Variants in TBC1D22A observed in about 807,000 individuals in gnomAD.
The protein encoded by TBC1D22A is TBC1 domain family member 22A, also known as putative GTPase activator.
Under a neutral mutation model 60.2 loss-of-function variants are expected in TBC1D22A, and 38 were observed. That is an observed-to-expected ratio of 0.63 (90% confidence interval 0.49 to 0.83). The LOEUF is 0.83. Ranked by LOEUF, TBC1D22A falls within the 40% of genes least tolerant of loss-of-function variation. The probability of loss-of-function intolerance (pLI) is 0.00; values close to 1 mark genes in which losing one functional copy is unlikely to be tolerated. For synonymous variants in TBC1D22A, 302 were observed against 281.7 expected (o/e 1.07, Z -0.72); for missense variants, 628 against 701.0 (o/e 0.90, Z 1.18).
intron 9 of TBC1D22A, among the ~76,000 whole-genome samples, chr22:46,991,329 G>A (rs1216387112): frequency 6.6e-6 from 1 of 152,226 alleles, no homozygotes. Flanking sequence ...GGCAGAGACT[G>A]TAGTGAAGAC....
chr22:46,958,994 A>G (rs2073354161), intron 8 of TBC1D22A, among the ~76,000 whole-genome samples: 1 of 152,054 alleles, frequency 6.6e-6, no homozygotes. Context: ...TCTCCTTCTA[A>G]TTCAGTATAA....
At chr22:47,171,407 G>A (rs1344804395) in intron 12 of TBC1D22A, among the ~76,000 whole-genome samples, 1 of 152,158 alleles carries the variant, frequency 6.6e-6, no homozygotes, top group African/African-American at 2.4e-5. Flanking sequence ...TGGGAGGTAG[G>A]AGAAGCCGGG....
At chr22:47,013,454 G>C (rs2061816077) in intron 10 of TBC1D22A, among the ~76,000 whole-genome samples, 1 of 152,206 alleles carries the variant, frequency 6.6e-6, no homozygotes, top group South Asian at 2.1e-4. Flanking sequence ...TAGCAAGAAA[G>C]AGCTGTCGTG....
At chr22:46,958,819 A>T (rs1569272809) in intron 8 of TBC1D22A, among the ~76,000 whole-genome samples, 1 of 152,074 alleles carries the variant, frequency 6.6e-6, no homozygotes, top group East Asian at 1.9e-4. Context: ...AAGGAGAATC[A>T]CTCTGTTTAC....
At position 46,990,314 on chromosome 22, in the gene TBC1D22A, AATTG is replaced by A. The variant is rs768727988; in HGVS notation, c.1126-7316_1126-7313del. ...CTTTTTTCCCTACCTTCTTTGGATGAATTGATTATTTTTTTCAATTAATGGAGTT... is the reference window on the plus strand; with the variant it reads ...CTTTTTTCCCTACCTTCTTTGGATGAATTATTTTTTTCAATTAATGGAGTT... On this transcript the variant is annotated intron_variant, in intron 9 of 12. Transcript: ENST00000337137. The surrounding 1 kb of genome is among the most constrained non-coding windows in gnomAD (Gnocchi z 4.6). 2.0e-5 allele frequency among the ~76,000 whole-genome samples: 3 copies of A among 151,756 alleles called. No homozygotes were observed. Among genetic ancestry groups the A allele is most frequent in the Non-Finnish European group, 4.4e-5 (3 of 67,924 alleles).
intron 12 of TBC1D22A, among the ~76,000 whole-genome samples, chr22:47,169,209 C>A (rs1381259536): frequency 1.3e-5 from 2 of 152,336 alleles, no homozygotes; most frequent in Middle Eastern, 3.4e-3. Context: ...CAGGGCTCCA[C>A]TTCTGCCTGG....
chr22:47,125,660 A>G (rs2066426162), intron 12 of TBC1D22A, among the ~76,000 whole-genome samples: 1 of 152,214 alleles, frequency 6.6e-6, no homozygotes, highest in African/African-American at 2.4e-5. Flanking sequence ...GGGATCTTTA[A>G]GTCTAAAACA....
At chr22:46,819,325 A>G (rs2085731029) in intron 4 of TBC1D22A, among the ~76,000 whole-genome samples, 1 of 152,164 alleles carries the variant, frequency 6.6e-6, no homozygotes. Context: ...TTCAGAGGGA[A>G]TGCTTCCAGC....
intron 12 of TBC1D22A, among the ~76,000 whole-genome samples, chr22:47,161,074 C>A (rs2337240): frequency 0.59 from 89,440 of 152,140 alleles, 26,595 homozygotes; most frequent in East Asian, 0.73. Context: ...TGCCTCCCAG[C>A]TGGCCCTGGG....
chr22:46,886,841 G>A (rs925114983), intron 5 of TBC1D22A, among the ~76,000 whole-genome samples: 1 of 152,214 alleles, frequency 6.6e-6, no homozygotes, highest in African/African-American at 2.4e-5. Flanking sequence ...TAGGGCAAAA[G>A]CAGCCACACA....
At position 46,762,851 on chromosome 22, in the gene TBC1D22A, G is replaced by A. The variant is rs910857391; in HGVS notation, c.62+3G>A. Reference sequence around the variant, plus strand: ...AGCAACAGCAAGCTCCCGGGCAGGTGGGTGTGCCGCGGAGGGCCAGGTCGG... The same window carrying A: ...AGCAACAGCAAGCTCCCGGGCAGGTAGGTGTGCCGCGGAGGGCCAGGTCGG... On this transcript the variant is annotated splice_donor_region_variant and intron_variant, in intron 1 of 12. Transcript: ENST00000337137. The A allele has an allele frequency of 4.1e-6, 6 of 1,470,394 alleles. No individual in the cohort carries two copies. Among genetic ancestry groups the A allele is most frequent in the Non-Finnish European group, 5.4e-6 (6 of 1,116,726 alleles). 91.1% of individuals were successfully genotyped at this position (1,470,394 alleles called of 1,614,324 possible).
At chr22:46,894,759 A>T (rs1233857381) in intron 6 of TBC1D22A, 25 bp from the exon 7 acceptor site, 2 of 1,613,960 alleles carry the variant, frequency 1.2e-6, no homozygotes, top group East Asian at 4.5e-5. Context: ...CGTAACATAA[A>T]TGTCCGTTTC....
chr22:46,885,862 C>T (rs1165789152), intron 5 of TBC1D22A, among the ~76,000 whole-genome samples: 1 of 151,844 alleles, frequency 6.6e-6, no homozygotes, highest in East Asian at 1.9e-4. Flanking sequence ...ACGCCTGGCA[C>T]TTCTGTGCAC....
chr22:46,781,582 T>C (rs761509336), intron 1 of TBC1D22A, among the ~76,000 whole-genome samples: 21 of 152,138 alleles, frequency 1.4e-4, no homozygotes, highest in Non-Finnish European at 1.8e-4. Context: ...GTGCCTATGC[T>C]GAAAAGGGGA....
intron 7 of TBC1D22A, among the ~76,000 whole-genome samples, chr22:46,908,483 G>C (rs2069653733): frequency 6.6e-6 from 1 of 152,178 alleles, no homozygotes; most frequent in East Asian, 1.9e-4. Context: ...CAATGCTTGA[G>C]CTGGCTGTCC....
At chr22:47,016,829 G>A (rs367845023) in intron 10 of TBC1D22A, among the ~76,000 whole-genome samples, 1 of 152,238 alleles carries the variant, frequency 6.6e-6, no homozygotes, top group Non-Finnish European at 1.5e-5. Context: ...GGGGGCTACC[G>A]GCCTGCCTCC....
intron 8 of TBC1D22A, among the ~76,000 whole-genome samples, chr22:46,929,454 TTTGA>T (rs1454753414): frequency 2.0e-5 from 3 of 152,250 alleles, no homozygotes; most frequent in African/African-American, 7.2e-5. Context: ...TTAATAGGTC[TTTGA>T]TTGGCTTGAC....
chr22:46,763,470 G>C (rs1299374443), intron 1 of TBC1D22A: 1 of 117,836 alleles, frequency 8.5e-6, no homozygotes, highest in East Asian at 3.0e-4. Flanking sequence ...ATGCTATACA[G>C]CTCCAGAGCT....
chr22:47,158,399 CA>C (rs549614729), intron 12 of TBC1D22A, among the ~76,000 whole-genome samples: 351 of 152,120 alleles, frequency 2.3e-3, no homozygotes, highest in African/African-American at 8.1e-3. Context: ...CTTAGGAACA[CA>C]AAAAAAGAAG....
Sources: gnomAD v4.1 joint callset for allele counts (sites outside exome capture counted in the v4.1 genomes callset) on GRCh38, gnomAD v4.1.1 for gene constraint, Gnocchi (gnomAD v3.1) non-coding constraint, MANE v1.5 for transcripts, NCBI Gene and HGNC (gene_info 2026-07-23, HGNC 2026-07-21) for gene names.